The following THSD7B variants were observed in gnomAD, a reference collection of about 807,000 sequenced individuals.
The protein encoded by THSD7B is thrombospondin type-1 domain-containing protein 7B.
Under a neutral mutation model 213.6 loss-of-function variants are expected in THSD7B, and 138 were observed. The ratio of observed to expected loss-of-function variants is 0.65; its 90% CI spans 0.56 to 0.74. The LOEUF (loss-of-function observed/expected upper bound fraction) is 0.74. Ranked by LOEUF, THSD7B falls within the 30% of genes least tolerant of loss-of-function variation. The pLI is 0.00. For synonymous variants in THSD7B, 742 were observed against 687.0 expected (o/e 1.08, Z -1.25); for missense variants, 1,931 against 1,991.5 (o/e 0.97, Z 0.58).
intron 2 of THSD7B, among the ~76,000 whole-genome samples, chr2:136,911,273 A>T (rs990919134): frequency 6.6e-6 from 1 of 152,156 alleles, no homozygotes; most frequent in Non-Finnish European, 1.5e-5. Flanking sequence ...TGTTGATATG[A>T]CCCATATTAA....
intron 15 of THSD7B, among the ~76,000 whole-genome samples, chr2:137,541,657 G>T (rs1680611702): frequency 1.3e-5 from 2 of 151,616 alleles, no homozygotes; most frequent in Non-Finnish European, 3.0e-5. Flanking sequence ...GTTAGACAAA[G>T]ATTTTGAACC....
intron 12 of THSD7B, among the ~76,000 whole-genome samples, chr2:137,283,024 C>T (rs975640727): frequency 6.6e-6 from 1 of 152,154 alleles, no homozygotes; most frequent in African/African-American, 2.4e-5. Flanking sequence ...ATAATTGATT[C>T]TTCCTACCCA....
chr2:137,501,203 T>A, intron 15 of THSD7B, among the ~76,000 whole-genome samples: 1 of 152,200 alleles, frequency 6.6e-6, no homozygotes, highest in East Asian at 1.9e-4. Context: ...AATAAGATGC[T>A]ATTGACATAT....
chr2:136,898,412 T>A (rs1684001829), intron 2 of THSD7B, among the ~76,000 whole-genome samples: 1 of 152,160 alleles, frequency 6.6e-6, no homozygotes, highest in Non-Finnish European at 1.5e-5. Context: ...CCTCAGGTGA[T>A]CTGCCCGCCT....
chr2:137,237,603 A>C (rs1404338708), intron 9 of THSD7B, among the ~76,000 whole-genome samples: 1 of 152,210 alleles, frequency 6.6e-6, no homozygotes, highest in Non-Finnish European at 1.5e-5. Flanking sequence ...CAGCATCAGC[A>C]CCCCAAAAGT....
chr2:137,079,053 C>T (rs1395094233), intron 3 of THSD7B, among the ~76,000 whole-genome samples: 2 of 151,978 alleles, frequency 1.3e-5, no homozygotes, highest in Non-Finnish European at 2.9e-5. Flanking sequence ...CAACTGGGTG[C>T]AGTGGGGCAC....
At chr2:137,666,375 C>A (rs552358955) in intron 26 of THSD7B, among the ~76,000 whole-genome samples, 41 of 152,050 alleles carry the variant, frequency 2.7e-4, no homozygotes, top group South Asian at 1.2e-3. Context: ...AGTTTTATGA[C>A]CATAGAAAAA....
At chr2:136,958,084 A>G (rs1449636828) in intron 2 of THSD7B, among the ~76,000 whole-genome samples, 1 of 152,236 alleles carries the variant, frequency 6.6e-6, no homozygotes, top group African/African-American at 2.4e-5. Flanking sequence ...ACAAATTAAT[A>G]TTCTCATCTT....
chr2:137,340,288 T>C (rs1474972815), intron 12 of THSD7B, among the ~76,000 whole-genome samples: 1 of 151,834 alleles, frequency 6.6e-6, no homozygotes, highest in Non-Finnish European at 1.5e-5. Flanking sequence ...GTATAAAGGA[T>C]GTAAAGGTTT....
At chr2:136,990,805 G>A in intron 2 of THSD7B, 1 of 1,065,052 alleles carries the variant, frequency 9.4e-7, no homozygotes, top group South Asian at 1.3e-5. Flanking sequence ...ACGCCACAGT[G>A]CCTGGCCGAT....
chr2:137,090,029 A>C (rs1268801267), intron 3 of THSD7B, among the ~76,000 whole-genome samples: 2 of 151,962 alleles, frequency 1.3e-5, no homozygotes, highest in South Asian at 4.2e-4. Context: ...AAAAAGAAAA[A>C]AGAAAAAAGA....
At chr2:137,549,291 G>A (rs889078260) in intron 15 of THSD7B, among the ~76,000 whole-genome samples, 2 of 124,698 alleles carry the variant, frequency 1.6e-5, no homozygotes, top group Admixed American at 8.4e-5. Flanking sequence ...AGGCAGACAT[G>A]TCTTTTTTTT....
chr2:137,572,351 A>T (rs1466960164), intron 16 of THSD7B, 55 bp from the exon 17 acceptor site: 2 of 1,589,068 alleles, frequency 1.3e-6, no homozygotes, highest in African/African-American at 2.7e-5. Flanking sequence ...AACTATTTTA[A>T]ATATACTCTC....
chr2:137,214,932 C>A (rs1681202937), intron 7 of THSD7B, among the ~76,000 whole-genome samples: 2 of 152,086 alleles, frequency 1.3e-5, no homozygotes, highest in Admixed American at 6.6e-5. Context: ...GATTTATAAT[C>A]CTTTGGGTAT....
At chr2:137,026,552 C>A (rs995965433) in intron 2 of THSD7B, among the ~76,000 whole-genome samples, 2 of 152,134 alleles carry the variant, frequency 1.3e-5, no homozygotes, top group East Asian at 1.9e-4. Flanking sequence ...AATGAACTAG[C>A]CTTTTGATCT....
At chr2:137,553,897 A>AT (rs1270239829) in intron 15 of THSD7B, among the ~76,000 whole-genome samples, 1 of 152,156 alleles carries the variant, frequency 6.6e-6, no homozygotes, top group Non-Finnish European at 1.5e-5. Flanking sequence ...TGGGTAGTTA[A>AT]TTTTTATTCT....
chr2:136,833,363 C>CAAAAAAAA (rs10639590), intron 1 of THSD7B, among the ~76,000 whole-genome samples: 6 of 55,480 alleles, frequency 1.1e-4, no homozygotes, highest in African/African-American at 2.1e-4. Flanking sequence ...GACTCCGTCT[C>CAAAAAAAA]AAAAAAAAAA....
At chr2:137,280,934 A>G (rs1682993119) in intron 12 of THSD7B, among the ~76,000 whole-genome samples, 2 of 152,042 alleles carry the variant, frequency 1.3e-5, no homozygotes, top group African/African-American at 2.4e-5. Flanking sequence ...GACTTAATGG[A>G]CTTTCCAGTA....
At chr2:137,582,990 C>G (rs896940873) in intron 17 of THSD7B, among the ~76,000 whole-genome samples, 18 of 152,288 alleles carry the variant, frequency 1.2e-4, no homozygotes, top group Middle Eastern at 3.4e-3. Flanking sequence ...TCCACATCCT[C>G]TCCAGCACCT....
Sources: allele counts gnomAD v4.1 joint callset (sites outside exome capture counted in the v4.1 genomes callset), GRCh38; gene constraint gnomAD v4.1.1; transcripts MANE v1.5; gene names NCBI Gene and HGNC (gene_info 2026-07-23, HGNC 2026-07-21).